The following FAT1 variants were observed in gnomAD, a reference collection of about 807,000 sequenced individuals.
The protein encoded by FAT1 is FAT atypical cadherin 1, also known as protocadherin Fat 1.
A neutral mutation model predicts 329.8 loss-of-function variants in FAT1; 171 were observed. The observed-to-expected ratio is 0.52, with a 90% CI of 0.46 to 0.59. FAT1 has a LOEUF of 0.59. FAT1 is among the 20% of genes least tolerant of loss of function. FAT1 has a pLI of 0.00. For synonymous variants in FAT1, 2,233 were observed against 2,228.6 expected (o/e 1.00, Z -0.06); for missense variants, 5,672 against 5,774.4 (o/e 0.98, Z 0.57).
rs796067388 is a variant in FAT1 at position 186,615,093 on chromosome 4, A to C, written c.9076-749T>G. On this transcript the variant is annotated intron_variant, in intron 11 of 26. Transcript: ENST00000441802. ...GTACTCCATGAAAAAGGACTCAGGAAAAAGGGTATTTCATAATAGGATGAA... is the reference window on the plus strand; with the variant it reads ...GTACTCCATGAAAAAGGACTCAGGACAAAGGGTATTTCATAATAGGATGAA... Among the ~76,000 whole-genome samples, 55 of 152,292 alleles carry C rather than the reference A, an allele frequency of 3.6e-4. 1 individual carries two copies. The highest frequency in any genetic ancestry group is 1.3e-3 in the African/African-American group (54 of 41,560).
At chr4:186,651,395 G>A (rs1240743579) in intron 3 of FAT1, among the ~76,000 whole-genome samples, 4 of 152,146 alleles carry the variant, frequency 2.6e-5, no homozygotes, top group Admixed American at 2.0e-4. Context: ...GACAGAAGGC[G>A]CAAGTGAGCG....
At chr4:186,642,996 G>A (rs926936432) in intron 3 of FAT1, among the ~76,000 whole-genome samples, 1 of 152,216 alleles carries the variant, frequency 6.6e-6, no homozygotes, top group Non-Finnish European at 1.5e-5. Flanking sequence ...TTACGAAGAC[G>A]AGATTGTCTC....
In FAT1 at chr4:186,595,318, A is replaced by T. The variant is rs7675637; in HGVS notation, c.13138+371T>A. Among the ~76,000 whole-genome samples, 485 of 150,974 alleles carry T rather than the reference A, an allele frequency of 3.2e-3. 1 individual carries two copies. The highest frequency in any genetic ancestry group is 0.011 in the African/African-American group (453 of 40,876). On this transcript the variant is annotated intron_variant, in intron 26 of 26. Transcript: ENST00000441802. Reference sequence around the variant, plus strand: ...GGGGGTGTGTGTGTGTGTGTGTGTGAGAGAGAGTGTGTGTTTGTGTGCGTG... The same window carrying T: ...GGGGGTGTGTGTGTGTGTGTGTGTGTGAGAGAGTGTGTGTTTGTGTGCGTG...
At chr4:186,697,626 G>C (rs1406861658) in intron 2 of FAT1, among the ~76,000 whole-genome samples, 1 of 152,082 alleles carries the variant, frequency 6.6e-6, no homozygotes, top group Non-Finnish European at 1.5e-5. Context: ...CCATTGTTAA[G>C]GTTTATCTAG....
chr4:186,664,127 G>T (rs1742319971), intron 2 of FAT1, among the ~76,000 whole-genome samples: 1 of 152,112 alleles, frequency 6.6e-6, no homozygotes, highest in Non-Finnish European at 1.5e-5. Flanking sequence ...CCCTGTGGCG[G>T]CCACTGTCTA....
At chr4:186,652,073 T>A (rs1206342200) in intron 3 of FAT1, among the ~76,000 whole-genome samples, 1 of 152,170 alleles carries the variant, frequency 6.6e-6, no homozygotes, top group African/African-American at 2.4e-5. Context: ...TAGTCTAAAG[T>A]CACATGGGGA....
intron 2 of FAT1, among the ~76,000 whole-genome samples, chr4:186,672,071 C>A (rs985001674): frequency 2.0e-5 from 3 of 152,090 alleles, no homozygotes; most frequent in African/African-American, 7.2e-5. Flanking sequence ...TTACTATTTA[C>A]TTCACTGGTG....
intron 3 of FAT1, among the ~76,000 whole-genome samples, chr4:186,645,220 C>G (rs916269765): frequency 1.3e-5 from 2 of 151,508 alleles, no homozygotes; most frequent in African/African-American, 4.9e-5. Flanking sequence ...GGAAGAAGCA[C>G]CCGGCAGAAC....
At chr4:186,630,643 G>A (rs947690902) in intron 7 of FAT1, among the ~76,000 whole-genome samples, 1 of 152,126 alleles carries the variant, frequency 6.6e-6, no homozygotes, top group African/African-American at 2.4e-5. Context: ...CAGGCTCTCA[G>A]AACGTGAAGA....
chr4:186,720,436 A>C (rs1319226919), intron 1 of FAT1, among the ~76,000 whole-genome samples: 1 of 152,204 alleles, frequency 6.6e-6, no homozygotes, highest in Non-Finnish European at 1.5e-5. Flanking sequence ...TGAGGTCTTC[A>C]GAATTTCTCT....
intron 2 of FAT1, among the ~76,000 whole-genome samples, chr4:186,683,406 T>C (rs1335063432): frequency 6.6e-6 from 1 of 152,126 alleles, no homozygotes; most frequent in Non-Finnish European, 1.5e-5. Flanking sequence ...CCTTGCAAAC[T>C]GTGGAGTCCT....
At chr4:186,590,693 A>T (rs1487306052) in intron 26 of FAT1, 1 of 456,022 alleles carries the variant, frequency 2.2e-6, no homozygotes, top group South Asian at 1.5e-5. Flanking sequence ...TGACAATCAC[A>T]GCCTGAAAAC....
intron 2 of FAT1, among the ~76,000 whole-genome samples, chr4:186,682,380 A>G (rs1378690839): frequency 2.0e-5 from 3 of 152,048 alleles, no homozygotes; most frequent in African/African-American, 7.3e-5. Flanking sequence ...TACAAAAATT[A>G]GCCAGGTGTG....
intron 6 of FAT1, among the ~76,000 whole-genome samples, chr4:186,635,530 G>T (rs1740782726): frequency 6.6e-6 from 1 of 152,140 alleles, no homozygotes; most frequent in Non-Finnish European, 1.5e-5. Context: ...CCATAACTTT[G>T]TACCATAAGC....
At chr4:186,654,313 TC>T (rs1741804677) in intron 3 of FAT1, among the ~76,000 whole-genome samples, 1 of 152,210 alleles carries the variant, frequency 6.6e-6, no homozygotes, top group Non-Finnish European at 1.5e-5. Context: ...TTGTCAATGT[TC>T]CTCTGACTCC....
intron 2 of FAT1, among the ~76,000 whole-genome samples, chr4:186,670,124 G>C (rs958384240): frequency 1.3e-5 from 2 of 152,128 alleles, no homozygotes; most frequent in Non-Finnish European, 2.9e-5. Context: ...ATTTTAACAG[G>C]TCTTGGCCCC....
chr4:186,698,497 T>C (rs753561342), intron 2 of FAT1, among the ~76,000 whole-genome samples: 23 of 152,198 alleles, frequency 1.5e-4, no homozygotes, highest in Non-Finnish European at 2.5e-4. Context: ...TGCAGTCATA[T>C]GTTTAAGTAC....
chr4:186,592,674 C>A (rs768593998), intron 26 of FAT1: 1 of 456,476 alleles, frequency 2.2e-6, no homozygotes, highest in African/African-American at 2.0e-5. Flanking sequence ...GACACAAGCA[C>A]GAGCACTTAC....
chr4:186,619,103 T>C lies in FAT1; in HGVS notation c.7483A>G (p.Asn2495Asp). 1 of 1,614,002 alleles carries C rather than the reference T, an allele frequency of 6.2e-7. No homozygotes were observed. Among genetic ancestry groups the C allele is most frequent in the Middle Eastern group, 1.6e-4 (1 of 6,062 alleles). Reference protein sequence around the residue: ...GNLHSPAFLQNEYEVELAENA... With the variant: ...GNLHSPAFLQDEYEVELAENA... ...TCAGCTAGTTCCACTTCATATTCGT[T>C]CTGAAGGAAAGCAGGACTGTGCAAA... Residue 2495 changes from asparagine (N) to aspartate (D), a missense_variant, in exon 10 of 27, where the codon AAC becomes GAC. By Grantham distance (23) the Asn-to-Asp change is conservative. Around this residue, in one of 2 missense-constraint regions of FAT1, gnomAD observed 3,966 missense variants for 3,915.2 expected, o/e 1.01. Transcript: ENST00000441802.
Sources: allele counts gnomAD v4.1 joint callset (sites outside exome capture counted in the v4.1 genomes callset), GRCh38; gene constraint gnomAD v4.1.1; regional missense constraint gnomAD v4.1.1; transcripts MANE v1.5; gene names NCBI Gene and HGNC (gene_info 2026-07-23, HGNC 2026-07-21).